The following LARGE1 variants were observed in gnomAD, a reference collection of about 807,000 sequenced individuals.
LARGE1 encodes LARGE xylosyl- and glucuronyltransferase 1, also known as xylosyl- and glucuronyltransferase LARGE1.
Under a neutral mutation model 87.6 loss-of-function variants are expected in LARGE1, and 43 were observed. That is an observed-to-expected ratio of 0.49 (90% CI 0.38 to 0.63). LARGE1 has a LOEUF of 0.63. Ranked by LOEUF, LARGE1 falls within the 30% of genes least tolerant of loss-of-function variation. The probability of loss-of-function intolerance (pLI) is 0.00; values close to 1 mark genes in which losing one functional copy is unlikely to be tolerated. For synonymous variants in LARGE1, 434 were observed against 394.6 expected, an observed-to-expected ratio of 1.10 and a Z score of -1.18; for missense variants, 802 against 1,000.2, an observed-to-expected ratio of 0.80 and a Z score of 2.67.
intron 6 of LARGE1, among the ~76,000 whole-genome samples, chr22:33,510,557 G>T (rs1009115211): frequency 6.6e-6 from 1 of 152,138 alleles, no homozygotes; most frequent in Non-Finnish European, 1.5e-5. Context: ...GTCCACAGAG[G>T]CTAAAAACTG....
the LARGE1 span, among the ~76,000 whole-genome samples, chr22:33,124,394 A>AAGGAAGGAAGGAAGGAAGGAAGG: frequency 4.0e-5 from 6 of 151,392 alleles, no homozygotes; most frequent in Admixed American, 6.6e-5. Context: ...GGGAGGAAGG[A>AAGGAAGGAAGGAAGGAAGGAAGG]AAATGATGGC....
intron 12 of LARGE1, among the ~76,000 whole-genome samples, chr22:33,293,691 T>C (rs1052849180): frequency 6.6e-6 from 1 of 152,222 alleles, no homozygotes; most frequent in African/African-American, 2.4e-5. Context: ...CTCATCCACA[T>C]GGCAGATTCC....
chr22:33,738,801 C>T (rs1239347706), intron 2 of LARGE1, among the ~76,000 whole-genome samples: 6 of 149,622 alleles, frequency 4.0e-5, no homozygotes, highest in African/African-American at 5.0e-5. Context: ...GCCAAGATCA[C>T]GCCACTGCGC....
At chr22:33,505,279 T>G (rs1261765368) in intron 6 of LARGE1, among the ~76,000 whole-genome samples, 1 of 152,230 alleles carries the variant, frequency 6.6e-6, no homozygotes, top group Non-Finnish European at 1.5e-5. Flanking sequence ...CTGTAGCCTC[T>G]GCAGAGGCTG....
At chr22:33,518,442 C>G (rs990956055) in intron 6 of LARGE1, among the ~76,000 whole-genome samples, 1 of 152,208 alleles carries the variant, frequency 6.6e-6, no homozygotes, top group African/African-American at 2.4e-5. Context: ...CCTCAGCCTC[C>G]TGAATAAAGG....
intron 2 of LARGE1, among the ~76,000 whole-genome samples, chr22:33,718,479 T>C (rs1462713334): frequency 6.6e-6 from 1 of 152,256 alleles, no homozygotes; most frequent in Non-Finnish European, 1.5e-5. Context: ...ATGTGCTGAA[T>C]GGACTCTCAG....
intron 10 of LARGE1, among the ~76,000 whole-genome samples, chr22:33,337,058 CAA>C (rs557329106): frequency 1.0e-4 from 7 of 67,610 alleles, no homozygotes; most frequent in African/African-American, 8.8e-5. Flanking sequence ...GAAACTCTGT[CAA>C]AAAAAAAAAA....
chr22:33,353,733 C>T lies in LARGE1; in HGVS notation c.1132-15932G>A, dbSNP rs1156600424. ...CAGTAAATTCCTACTTTAATGATAA[C>T]GATATTTTATGAAAAGAGAGTATGT... On this transcript the variant is annotated intron_variant, in intron 9 of 14. Transcript: ENST00000397394. Among the ~76,000 whole-genome samples, 7 of 152,060 alleles carry T rather than the reference C, an allele frequency of 4.6e-5. No homozygotes were observed. The South Asian group carries it at 8.3e-4, about 18-fold the overall frequency.
chr22:33,349,751 A>T (rs1197312659), intron 9 of LARGE1, among the ~76,000 whole-genome samples: 1 of 152,168 alleles, frequency 6.6e-6, no homozygotes, highest in Non-Finnish European at 1.5e-5. Flanking sequence ...CAGCCATGGA[A>T]GTTTTGCCAC....
chr22:33,703,710 G>A (rs1359597055), intron 2 of LARGE1, among the ~76,000 whole-genome samples: 3 of 152,222 alleles, frequency 2.0e-5, no homozygotes, highest in African/African-American at 7.2e-5. Context: ...GCTGAAAAGG[G>A]CAAGGGGATG....
intron 7 of LARGE1, among the ~76,000 whole-genome samples, chr22:33,410,251 G>A (rs536193097): frequency 1.4e-4 from 22 of 152,174 alleles, no homozygotes; most frequent in Admixed American, 9.2e-4. Context: ...TTGTTATGAC[G>A]GTCCATAGCT....
At chr22:33,767,934 G>A (rs911693266) in intron 1 of LARGE1, among the ~76,000 whole-genome samples, 2 of 152,198 alleles carry the variant, frequency 1.3e-5, no homozygotes, top group African/African-American at 4.8e-5. Flanking sequence ...ATTGTCACTC[G>A]TCTTCAGTGA....
chr22:33,444,629 G>A (rs8136468), intron 6 of LARGE1, among the ~76,000 whole-genome samples: 20,005 of 152,190 alleles, frequency 0.13, 1,376 homozygotes, highest in Non-Finnish European at 0.15. Flanking sequence ...ATTCAAGCCA[G>A]GACTTACTAA....
intron 5 of LARGE1, among the ~76,000 whole-genome samples, chr22:33,597,270 T>C (rs1363186090): frequency 8.3e-6 from 1 of 120,820 alleles, no homozygotes. Flanking sequence ...CTTCTTGGCC[T>C]AATTCATGAA....
At chr22:33,343,033 C>A (rs547357845) in intron 9 of LARGE1, among the ~76,000 whole-genome samples, 1 of 152,260 alleles carries the variant, frequency 6.6e-6, no homozygotes, top group Admixed American at 6.5e-5. Context: ...TTAAAAATTG[C>A]AAAAACTGCA....
intron 6 of LARGE1, among the ~76,000 whole-genome samples, chr22:33,523,883 A>T (rs1016205906): frequency 1.2e-4 from 19 of 152,314 alleles, no homozygotes; most frequent in African/African-American, 4.6e-4. Context: ...CATGGGTACA[A>T]TATGTGTGTA....
At chr22:33,473,277 T>C (rs2068930467) in intron 6 of LARGE1, among the ~76,000 whole-genome samples, 1 of 152,096 alleles carries the variant, frequency 6.6e-6, no homozygotes, top group Non-Finnish European at 1.5e-5. Flanking sequence ...CAAGCCACTC[T>C]CCTGCCTCAG....
At chr22:33,126,589 T>C in the LARGE1 span, among the ~76,000 whole-genome samples, 2 of 152,238 alleles carry the variant, frequency 1.3e-5, no homozygotes, top group Non-Finnish European at 2.9e-5. Context: ...TCTGTTCTAA[T>C]ACCAAAAAGC....
At chr22:33,270,198 G>A (rs1400106375), downstream of LARGE1, among the ~76,000 whole-genome samples, 1 of 152,032 alleles carries the variant, frequency 6.6e-6, no homozygotes, top group Non-Finnish European at 1.5e-5. Context: ...CAAAGATCAT[G>A]GTATATCCGA....
Sources: gnomAD v4.1 joint callset for allele counts (sites outside exome capture counted in the v4.1 genomes callset) on GRCh38, gnomAD v4.1.1 for gene constraint, MANE v1.5 for transcripts, NCBI Gene and HGNC (gene_info 2026-07-23, HGNC 2026-07-21) for gene names.